TARS3: variants seen among roughly 807,000 people sequenced by gnomAD.
The protein encoded by TARS3 is threonine--tRNA ligase 2, cytoplasmic.
TARS3 carries 94 observed loss-of-function variants against 103.5 expected under a neutral mutation model. That is an observed-to-expected ratio of 0.91 (90% confidence interval 0.77 to 1.08). TARS3 has a LOEUF of 1.08. Among genes scored for constraint, TARS3 ranks in the 50% least tolerant of loss-of-function variants. The pLI, the probability that TARS3 is intolerant of heterozygous loss-of-function variation, is 0.00. For missense variants in TARS3, 952 were observed against 995.2 expected (o/e 0.96, Z 0.58); for synonymous variants, 416 against 355.4 (o/e 1.17, Z -1.92).
intron 3 of TARS3, among the ~76,000 whole-genome samples, chr15:101,717,889 G>A (rs1900235230): frequency 6.6e-6 from 1 of 152,172 alleles, no homozygotes; most frequent in Non-Finnish European, 1.5e-5. Context: ...ACAGAAATAA[G>A]GACCTGGAAG....
At chr15:101,686,779 G>T (rs1898493350) in intron 10 of TARS3, among the ~76,000 whole-genome samples, 1 of 151,920 alleles carries the variant, frequency 6.6e-6, no homozygotes, top group African/African-American at 2.4e-5. Flanking sequence ...GGGACCCTTT[G>T]CATGACAGTT....
chr15:101,690,526 G>C (rs1898669174), intron 10 of TARS3, among the ~76,000 whole-genome samples: 1 of 152,010 alleles, frequency 6.6e-6, no homozygotes, highest in Non-Finnish European at 1.5e-5. Context: ...GGATTTTGTT[G>C]TTTTTTGCTT....
At chr15:101,667,538 C>T (rs969201525) in intron 15 of TARS3, among the ~76,000 whole-genome samples, 9 of 151,020 alleles carry the variant, frequency 6.0e-5, no homozygotes, top group Non-Finnish European at 1.2e-4. Flanking sequence ...TACGTCAGCA[C>T]TTGTTGCTTT....
At chr15:101,667,042 C>T (rs1332574452) in intron 15 of TARS3, among the ~76,000 whole-genome samples, 1 of 152,126 alleles carries the variant, frequency 6.6e-6, no homozygotes, top group Admixed American at 6.6e-5. Context: ...CATGAGAAAA[C>T]ATTAATCTCC....
chr15:101,721,176 C>G lies in TARS3; in HGVS notation c.516G>C (p.Val172=). ...ITVRVADGQT[V]QGEVWKTTPY... is the part of the protein sequence containing the mutation. Reference sequence around the variant, plus strand: ...GCGTTGTTTTCCAGACTTCCCCTTGCACTGTTTGCCCATCAGCCACTCTTA... The same window carrying G: ...GCGTTGTTTTCCAGACTTCCCCTTGGACTGTTTGCCCATCAGCCACTCTTA... The change falls in exon 3 of 19, where the codon GTG becomes GTC. Residue 172 remains valine, a synonymous_variant. Transcript: ENST00000335968. 6.2e-7 allele frequency: 1 copy of G among 1,612,884 alleles called. No homozygotes were observed. The highest frequency in any genetic ancestry group is 8.5e-7 in the Non-Finnish European group (1 of 1,178,974).
chr15:101,680,231 C>T (rs1898205502), intron 12 of TARS3, among the ~76,000 whole-genome samples: 1 of 152,208 alleles, frequency 6.6e-6, no homozygotes, highest in Non-Finnish European at 1.5e-5. Context: ...TCTCAATCAG[C>T]CTTAGCTGGC....
At chr15:101,662,768 G>C (rs2141382582) in intron 15 of TARS3, among the ~76,000 whole-genome samples, 1 of 152,232 alleles carries the variant, frequency 6.6e-6, no homozygotes, top group South Asian at 2.1e-4. Context: ...AGGGAAGAAA[G>C]AGAAGCAAAC....
chr15:101,671,140 T>G (rs1897782733), intron 15 of TARS3, among the ~76,000 whole-genome samples: 1 of 152,176 alleles, frequency 6.6e-6, no homozygotes, highest in Non-Finnish European at 1.5e-5. Flanking sequence ...ATTGCCTTTT[T>G]TCCCCTGCTT....
chr15:101,705,755 G>GACTCCGTCTC lies in TARS3; in HGVS notation c.931-9_931-8insGAGACGGAGT. 6.3e-7 allele frequency: 1 copy of GACTCCGTCTC among 1,588,364 alleles called. No homozygotes were observed. Among genetic ancestry groups the GACTCCGTCTC allele is most frequent in the Non-Finnish European group, 8.6e-7 (1 of 1,161,554 alleles). ...GCATTTAAATTTATTGTACTACGAAGAAAAACATATTTACACATTATTACA... is the reference window on the plus strand; with the variant it reads ...GCATTTAAATTTATTGTACTACGAAGACTCCGTCTCAAAAACATATTTACACATTATTACA... On this transcript the variant is annotated splice_polypyrimidine_tract_variant and intron_variant, in intron 6 of 18. Transcript: ENST00000335968.
chr15:101,724,143 T>C lies in TARS3; in HGVS notation c.245A>G (p.Gln82Arg). 2 of 1,450,516 alleles carry C rather than the reference T, an allele frequency of 1.4e-6. No individual in the cohort carries two copies. Among genetic ancestry groups the C allele is most frequent in the South Asian group, 1.4e-5 (1 of 73,478 alleles). 89.9% of individuals were successfully genotyped at this position (1,450,516 alleles called of 1,614,324 possible). The stretch of plus-strand genomic sequence containing the variant: ...TAGCTCCGCGCTCTCCAGCGTGGCC[T>C]GGCGGCTCCGCTCCTCGGCGAGGCA... ...RLCLAEERSRQATLESAELEA... is the reference protein window; with the variant it reads ...RLCLAEERSRRATLESAELEA... The change falls in exon 1 of 19, where the codon CAG becomes CGG. Residue 82 changes from glutamine to arginine, a missense_variant. Coordinates refer to ENST00000335968, the MANE Select transcript of TARS3 (RefSeq NM_152334.3).
At chr15:101,661,913 A>G (rs1897397459) in intron 15 of TARS3, 97 bp from the exon 16 acceptor site, 2 of 661,982 alleles carry the variant, frequency 3.0e-6, no homozygotes, top group South Asian at 6.3e-5. Flanking sequence ...TAGATTAGTG[A>G]TATCAGATCT....
In TARS3 at chr15:101,724,271, C is replaced by G; in HGVS notation, c.117G>C (p.Ala39=). 1 of 1,570,930 alleles carries G rather than the reference C, an allele frequency of 6.4e-7. No individual in the cohort carries two copies. Among genetic ancestry groups the G allele is most frequent in the Non-Finnish European group, 8.6e-7 (1 of 1,164,998 alleles). The change falls in exon 1 of 19, where the codon GCG becomes GCC. Residue 39 remains alanine, a synonymous_variant. Coordinates refer to ENST00000335968, the MANE Select transcript of TARS3 (RefSeq NM_152334.3). The part of the protein sequence containing the change: ...VERLRDEQLN[A]PYSCQAEGPC... Reference sequence around the variant, plus strand: ...GCCCCTCCGCCTGGCAGCTGTAGGGCGCGTTCAGCTGCTCGTCCCTCAGGC... The same window carrying G: ...GCCCCTCCGCCTGGCAGCTGTAGGGGGCGTTCAGCTGCTCGTCCCTCAGGC...
intron 12 of TARS3, among the ~76,000 whole-genome samples, chr15:101,677,199 G>A (rs748921883): frequency 8.5e-5 from 13 of 152,200 alleles, no homozygotes; most frequent in Non-Finnish European, 1.3e-4. Context: ...GCCTGTGAGT[G>A]CGTTTCTCGA....
intron 10 of TARS3, among the ~76,000 whole-genome samples, chr15:101,690,117 C>T (rs1357800497): frequency 6.6e-6 from 1 of 152,132 alleles, no homozygotes; most frequent in African/African-American, 2.4e-5. Context: ...TCCTCAGTGT[C>T]CTCCAAGCAA....
Position 101,710,720 on chromosome 15 carries a change from G to A in TARS3, c.812+1160C>T, listed in dbSNP as rs528472107. Among the ~76,000 whole-genome samples the A allele has an allele frequency of 2.0e-5, 3 of 152,328 alleles. No homozygotes were observed. In the South Asian group the frequency reaches 6.2e-4, roughly 32 times the overall value. ...ACAGCATTGGGTGCTCGGTTGGGGAGGTCATTAAGCAGCGTGCAGGAGAAG... is the reference window on the plus strand; with the variant it reads ...ACAGCATTGGGTGCTCGGTTGGGGAAGTCATTAAGCAGCGTGCAGGAGAAG... On this transcript the variant is annotated intron_variant, in intron 5 of 18. Transcript: ENST00000335968.
intron 2 of TARS3, 26 bp downstream of exon 2, chr15:101,723,067 A>C: frequency 6.2e-7 from 1 of 1,602,096 alleles, no homozygotes; most frequent in Non-Finnish European, 8.6e-7. Flanking sequence ...GTAGTATTTT[A>C]TATTGTTTCC....
intron 10 of TARS3, chr15:101,695,921 TA>T: frequency 1.4e-5 from 2 of 144,044 alleles, no homozygotes; most frequent in Admixed American, 7.0e-5. Context: ...AAAAATAAAA[TA>T]AAAAAATAAA....
At position 101,714,875 on chromosome 15, in the gene TARS3, C is replaced by G. The variant is rs1314238778; in HGVS notation, c.655G>C (p.Glu219Gln). Residue 219 changes from glutamate to glutamine, a missense_variant, in exon 4 of 19, where the codon GAG becomes CAG. Around this residue, in one of 2 missense-constraint regions of TARS3, gnomAD observed 412 missense variants for 364.2 expected, o/e 1.13. Coordinates refer to ENST00000335968, the MANE Select transcript of TARS3 (RefSeq NM_152334.3). ...TCCTCATTATCAAATGTAAGCAGCTCTAGAGAAGAGTCCCCTTCCAATGGG... is the reference window on the plus strand; with the variant it reads ...TCCTCATTATCAAATGTAAGCAGCTGTAGAGAAGAGTCCCCTTCCAATGGG... ...DRPLEGDSSL[E>Q]LLTFDNEEAQ... 6.2e-7 allele frequency: 1 copy of G among 1,613,100 alleles called. No individual in the cohort carries two copies. Among genetic ancestry groups the G allele is most frequent in the Non-Finnish European group, 8.5e-7 (1 of 1,179,452 alleles).
At position 101,679,498 on chromosome 15, in the gene TARS3, C is replaced by A. The variant is rs537595681; in HGVS notation, c.1651-3761G>T. 4.7e-4 allele frequency among the ~76,000 whole-genome samples: 37 copies of A among 78,950 alleles called. 1 individual carries two copies. The South Asian group carries it at 0.019, about 40-fold the overall frequency. The allele number at this position is 78,950 out of a possible 152,430, so 51.8% of individuals were successfully genotyped here. On this transcript the variant is annotated intron_variant, in intron 12 of 18. Coordinates refer to ENST00000335968, the MANE Select transcript of TARS3 (RefSeq NM_152334.3). ...TTTCCTGAGATTTTCTGTTTCTTCGCTGACTTTGTAATTTTTGTTTGTTTC... is the reference window on the plus strand; with the variant it reads ...TTTCCTGAGATTTTCTGTTTCTTCGATGACTTTGTAATTTTTGTTTGTTTC...
Sources: gnomAD v4.1 joint callset for allele counts (sites outside exome capture counted in the v4.1 genomes callset) on GRCh38, gnomAD v4.1.1 for gene constraint, gnomAD v4.1.1 regional missense constraint, MANE v1.5 for transcripts, NCBI Gene and HGNC (gene_info 2026-07-23, HGNC 2026-07-21) for gene names.